The following SGCZ variants were observed in gnomAD, a reference collection of about 807,000 sequenced individuals.
SGCZ encodes the protein zeta-sarcoglycan.
A neutral mutation model predicts 41.3 loss-of-function variants in SGCZ; 40 were observed. That is an observed-to-expected ratio of 0.97 (90% CI 0.75 to 1.26). The LOEUF is 1.26. Among genes scored for constraint, SGCZ ranks in the 50% most tolerant of loss-of-function variants. The probability of loss-of-function intolerance (pLI) is 0.00; values close to 1 mark genes in which losing one functional copy is unlikely to be tolerated. For synonymous variants in SGCZ, 206 were observed against 137.5 expected, an observed-to-expected ratio of 1.50 and a Z score of -3.49; for missense variants, 552 against 369.8, an observed-to-expected ratio of 1.49 and a Z score of -4.04.
intron 1 of SGCZ, among the ~76,000 whole-genome samples, chr8:14,581,276 T>A (rs1480877347): frequency 2.6e-5 from 4 of 151,938 alleles, no homozygotes; most frequent in Non-Finnish European, 5.9e-5. Context: ...CCTGCCTGAT[T>A]TTTGTATTTT....
chr8:14,121,153 CAA>C (rs1802684921), intron 5 of SGCZ, among the ~76,000 whole-genome samples: 1 of 152,014 alleles, frequency 6.6e-6, no homozygotes, highest in Non-Finnish European at 1.5e-5. Flanking sequence ...AACTTAATGG[CAA>C]AGTCAATGTT....
intron 2 of SGCZ, among the ~76,000 whole-genome samples, chr8:14,500,724 C>T (rs998995535): frequency 2.0e-5 from 3 of 152,092 alleles, no homozygotes; most frequent in Non-Finnish European, 2.9e-5. Context: ...AAATTACTAT[C>T]AGCCACTAAG....
At chr8:14,706,780 G>C (rs943904796) in intron 1 of SGCZ, among the ~76,000 whole-genome samples, 1 of 151,946 alleles carries the variant, frequency 6.6e-6, no homozygotes, top group Non-Finnish European at 1.5e-5. Context: ...TTTAGCAATG[G>C]TAATATGACA....
Position 14,489,866 on chromosome 8 carries a change from C to CATTTTTTTTTTTTTT in SGCZ, c.234+64865_234+64866insAAAAAAAAAAAAAAT, listed in dbSNP as rs142314868. ...ACTGGCTCGCCGAAAAATTCTCCTA[C>CATTTTTTTTTTTTTT]CTTTTTTTTTTTTTTCCTGAGATGG... On this transcript the variant is annotated intron_variant, in intron 2 of 7. Coordinates refer to ENST00000382080, the MANE Select transcript of SGCZ (RefSeq NM_139167.4). Among the ~76,000 whole-genome samples the CATTTTTTTTTTTTTT allele has an allele frequency of 8.9e-4, 123 of 137,510 alleles. 13 individuals are homozygous for CATTTTTTTTTTTTTT. Among genetic ancestry groups the CATTTTTTTTTTTTTT allele is most frequent in the Middle Eastern group, 3.7e-3 (1 of 268 alleles). 90.2% of individuals were successfully genotyped at this position (137,510 alleles called of 152,430 possible). A position where few individuals can be genotyped will look rare whatever the true frequency, so the allele number is the denominator to read the frequency against.
intron 1 of SGCZ, among the ~76,000 whole-genome samples, chr8:15,172,500 G>C (rs919995494): frequency 3.9e-5 from 6 of 152,074 alleles, no homozygotes; most frequent in Admixed American, 1.3e-4. Context: ...ACCCACTAGA[G>C]AGTAGGAGTC....
chr8:14,993,153 A>G (rs996142865), intron 1 of SGCZ, among the ~76,000 whole-genome samples: 2 of 152,062 alleles, frequency 1.3e-5, no homozygotes, highest in Admixed American at 6.5e-5. Context: ...ACCTTCTTCT[A>G]TCTCCTGTCT....
chr8:14,423,938 A>G (rs754814763), intron 2 of SGCZ, among the ~76,000 whole-genome samples: 2 of 152,134 alleles, frequency 1.3e-5, no homozygotes, highest in Non-Finnish European at 2.9e-5. Flanking sequence ...ATGAATCATT[A>G]AAGTATAATA....
At chr8:14,249,187 C>T (rs1257806653) in intron 3 of SGCZ, among the ~76,000 whole-genome samples, 8 of 152,128 alleles carry the variant, frequency 5.3e-5, no homozygotes, top group Admixed American at 1.3e-4. Context: ...AGGCAGAATA[C>T]AAGAGAATTC....
intron 1 of SGCZ, among the ~76,000 whole-genome samples, chr8:14,977,397 A>G (rs1227801146): frequency 1.3e-5 from 2 of 152,218 alleles, no homozygotes; most frequent in African/African-American, 4.8e-5. Context: ...TTTAATATTT[A>G]CTTAATATGC....
At chr8:14,134,536 A>G (rs1404314976) in intron 5 of SGCZ, among the ~76,000 whole-genome samples, 1 of 152,224 alleles carries the variant, frequency 6.6e-6, no homozygotes, top group Non-Finnish European at 1.5e-5. Context: ...AGAAAGTAAT[A>G]GAATTCTTAA....
At chr8:15,023,581 C>T (rs576450307) in intron 1 of SGCZ, among the ~76,000 whole-genome samples, 1 of 152,270 alleles carries the variant, frequency 6.6e-6, no homozygotes, top group South Asian at 2.1e-4. Flanking sequence ...AAAATATGTA[C>T]AGCAATTAAA....
At chr8:14,113,621 T>G (rs1042973993) in intron 5 of SGCZ, among the ~76,000 whole-genome samples, 2 of 152,086 alleles carry the variant, frequency 1.3e-5, no homozygotes, top group Non-Finnish European at 2.9e-5. Context: ...GGAAGTATAC[T>G]GAGATGTCCT....
intron 1 of SGCZ, among the ~76,000 whole-genome samples, chr8:15,208,814 A>C (rs1253959413): frequency 1.3e-5 from 2 of 152,064 alleles, no homozygotes; most frequent in Admixed American, 1.3e-4. Flanking sequence ...ACAGGGATAC[A>C]TATATATCCA....
intron 1 of SGCZ, among the ~76,000 whole-genome samples, chr8:15,138,677 G>C (rs1001598040): frequency 3.3e-5 from 5 of 152,188 alleles, no homozygotes; most frequent in African/African-American, 4.8e-5. Context: ...CTGCCACCAT[G>C]ATTGTAAGTT....
chr8:15,169,688 C>T (rs1379649938), intron 1 of SGCZ, among the ~76,000 whole-genome samples: 1 of 152,148 alleles, frequency 6.6e-6, no homozygotes, highest in Non-Finnish European at 1.5e-5. Context: ...GCTTTCTTTC[C>T]AGGTTGCACA....
At chr8:14,214,170 C>T (rs1805912830) in intron 4 of SGCZ, among the ~76,000 whole-genome samples, 1 of 152,050 alleles carries the variant, frequency 6.6e-6, no homozygotes, top group Non-Finnish European at 1.5e-5. Context: ...CTGTCCTCCC[C>T]AGAACACATT....
rs1479848578 is a variant in SGCZ at position 15,133,964 on chromosome 8, A to G, written c.39+103621T>C. 2.6e-5 allele frequency among the ~76,000 whole-genome samples: 4 copies of G among 152,168 alleles called. No individual in the cohort carries two copies. The South Asian group carries it at 8.3e-4, about 32-fold the overall frequency. On this transcript the variant is annotated intron_variant, in intron 1 of 7. Transcript: ENST00000382080. Reference sequence around the variant, plus strand: ...TGTTCTGTTTTTAATATTATCAATGAAAGAAAAATTATTCTGAGAAATTAA... The same window carrying G: ...TGTTCTGTTTTTAATATTATCAATGGAAGAAAAATTATTCTGAGAAATTAA...
intron 1 of SGCZ, among the ~76,000 whole-genome samples, chr8:14,742,178 C>T (rs913458997): frequency 6.6e-6 from 1 of 151,948 alleles, no homozygotes; most frequent in Non-Finnish European, 1.5e-5. Context: ...TCCAAACTTG[C>T]AATTCAAATA....
chr8:15,088,024 A>G (rs1806012731), intron 1 of SGCZ, among the ~76,000 whole-genome samples: 1 of 152,154 alleles, frequency 6.6e-6, no homozygotes. Context: ...CCACATTAAC[A>G]AAGCAGAAAA....
Sources: gnomAD v4.1 joint callset for allele counts (sites outside exome capture counted in the v4.1 genomes callset) on GRCh38, gnomAD v4.1.1 for gene constraint, MANE v1.5 for transcripts, NCBI Gene and HGNC (gene_info 2026-07-23, HGNC 2026-07-21) for gene names.